The following ZNF813 variants were observed in gnomAD, a reference collection of about 807,000 sequenced individuals.
ZNF813 encodes the protein zinc finger protein 813.
In ZNF813, 3 loss-of-function variants were observed where a neutral mutation model predicts 7.2. The observed-to-expected ratio is 0.42, with a 90% CI of 0.19 to 1.08. The LOEUF (loss-of-function observed/expected upper bound fraction) is 1.08. Among genes scored for constraint, ZNF813 ranks in the 50% least tolerant of loss-of-function variants. The probability of loss-of-function intolerance (pLI) is 0.30; values close to 1 mark genes in which losing one functional copy is unlikely to be tolerated. For missense variants in ZNF813, 714 were observed against 753.3 expected, an observed-to-expected ratio of 0.95 and a Z score of 0.61; for synonymous variants, 227 against 256.3, an observed-to-expected ratio of 0.89 and a Z score of 1.09.
Position 53,494,339 on chromosome 19 carries a change from T to C in ZNF813, c.*2253T>C, listed in dbSNP as rs972840003. Reference sequence around the variant, plus strand: ...TTGAGGCACCCAGAAGGATAAGACATGAGTTTTAAAAGAGACTTTCTCTGC... The same window carrying C: ...TTGAGGCACCCAGAAGGATAAGACACGAGTTTTAAAAGAGACTTTCTCTGC... On this transcript the variant is annotated 3_prime_UTR_variant, in exon 4 of 4. Transcript: ENST00000396403. 9 of 152,162 alleles carry C rather than the reference T, an allele frequency of 5.9e-5. No individual in the cohort carries two copies. The highest frequency in any genetic ancestry group is 1.3e-4 in the Non-Finnish European group (9 of 68,032). 9.4% of individuals were successfully genotyped at this position (152,162 alleles called of 1,614,324 possible). A position where few individuals can be genotyped will look rare whatever the true frequency, so the allele number is the denominator to read the frequency against.
chr19:53,490,747 C>G lies in ZNF813; in HGVS notation c.515C>G (p.Ser172Cys). 1 of 1,614,182 alleles carries G rather than the reference C, an allele frequency of 6.2e-7. No individual in the cohort carries two copies. Among genetic ancestry groups the G allele is most frequent in the Non-Finnish European group, 8.5e-7 (1 of 1,180,030 alleles). The stretch of plus-strand genomic sequence containing the variant: ...GTGGAGAAGTCTATCAACGATGCTT[C>G]CTCAATTTCAACATCCCAAAGAATT... ...NQVEKSINDA[S>C]SISTSQRISC... Residue 172 changes from serine (S) to cysteine (C), a missense_variant, in exon 4 of 4, where the codon TCC (serine) becomes TGC (cysteine). Physicochemically the swap from Ser to Cys is moderately radical, Grantham distance 112. Coordinates refer to ENST00000396403, the MANE Select transcript of ZNF813 (RefSeq NM_001004301.4).
intron 3 of ZNF813, among the ~76,000 whole-genome samples, chr19:53,488,503 G>A (rs1228676042): frequency 5.3e-5 from 8 of 151,446 alleles, no homozygotes; most frequent in Non-Finnish European, 1.2e-4. Flanking sequence ...CTGCTTACTG[G>A]GTTCAAGTGA....
At chr19:53,483,882 G>T in intron 2 of ZNF813, 45 bp downstream of exon 2, 1 of 1,613,876 alleles carries the variant, frequency 6.2e-7, no homozygotes, top group Non-Finnish European at 8.5e-7. Context: ...CTTCCCCTCA[G>T]AAATGCTGGG....
chr19:53,476,106 G>A (rs2147155902), intron 1 of ZNF813, among the ~76,000 whole-genome samples: 1 of 152,228 alleles, frequency 6.6e-6, no homozygotes, highest in African/African-American at 2.4e-5. Flanking sequence ...GTTCCTTGTG[G>A]CTCACTATGA....
At chr19:53,473,336 G>A (rs1160256262) in intron 1 of ZNF813, among the ~76,000 whole-genome samples, 4 of 152,022 alleles carry the variant, frequency 2.6e-5, no homozygotes, top group Admixed American at 6.6e-5. Context: ...GTCAGCTTCC[G>A]GTGTGTGACT....
rs373601042 is a variant in ZNF813 at position 53,491,182 on chromosome 19, A to C, written c.950A>C (p.His317Pro). ...AFSFKSNLKR[H>P]RRIHAGEKPY... ...AGTTTCAAATCAAACCTTAAAAGAC[A>C]TAGGAGAATTCATGCTGGAGAAAAA... Residue 317 changes from histidine (H) to proline (P), a missense_variant, in exon 4 of 4, where the codon CAT (histidine) becomes CCT (proline). Coordinates refer to ENST00000396403, the MANE Select transcript of ZNF813 (RefSeq NM_001004301.4). 1 of 1,613,758 alleles carries C rather than the reference A, an allele frequency of 6.2e-7. No individual in the cohort carries two copies. Among genetic ancestry groups the C allele is most frequent in the Non-Finnish European group, 8.5e-7 (1 of 1,179,792 alleles).
In ZNF813 at chr19:53,483,796, A is replaced by G; in HGVS notation, c.-27A>G. The G allele has an allele frequency of 1.2e-6, 2 of 1,612,842 alleles. No homozygotes were observed. Among genetic ancestry groups the G allele is most frequent in the Non-Finnish European group, 1.7e-6 (2 of 1,179,740 alleles). ...GGTATGTGAGGAAGAAACCTGGAAGAGGAAGAGGAAAGCAAAGGAGTCAGG... is the reference window on the plus strand; with the variant it reads ...GGTATGTGAGGAAGAAACCTGGAAGGGGAAGAGGAAAGCAAAGGAGTCAGG... On this transcript the variant is annotated 5_prime_UTR_variant, in exon 2 of 4. Transcript: ENST00000396403.
chr19:53,478,545 A>G (rs1460455299), intron 1 of ZNF813, among the ~76,000 whole-genome samples: 2 of 152,110 alleles, frequency 1.3e-5, no homozygotes, highest in Admixed American at 1.3e-4. Context: ...TGGGAGATGG[A>G]GGTGAGTGGG....
intron 1 of ZNF813, among the ~76,000 whole-genome samples, chr19:53,468,230 C>A (rs944717392): frequency 9.2e-6 from 1 of 108,490 alleles, no homozygotes; most frequent in Non-Finnish European, 2.2e-5. Flanking sequence ...CCCCCCCCCC[C>A]CCACCTCCCT....
intron 1 of ZNF813, among the ~76,000 whole-genome samples, chr19:53,474,130 C>G (rs530189037): frequency 2.6e-4 from 39 of 152,306 alleles, no homozygotes; most frequent in Admixed American, 8.5e-4. Context: ...AGTCTTCAGT[C>G]ACTTCTCATG....
At chr19:53,487,115 T>A (rs892348055) in intron 3 of ZNF813, among the ~76,000 whole-genome samples, 1 of 151,946 alleles carries the variant, frequency 6.6e-6, no homozygotes, top group Non-Finnish European at 1.5e-5. Flanking sequence ...CCATAACTAA[T>A]TATTGGCTTT....
chr19:53,488,181 T>G (rs1402882213), intron 3 of ZNF813: 2 of 449,500 alleles, frequency 4.4e-6, no homozygotes. Flanking sequence ...TGTGCCACCA[T>G]GCCTGGCTAA....
intron 2 of ZNF813, among the ~76,000 whole-genome samples, chr19:53,485,807 A>C (rs2086431116): frequency 6.6e-6 from 1 of 152,106 alleles, no homozygotes; most frequent in Admixed American, 6.6e-5. Flanking sequence ...CCTCAGGCTC[A>C]AACCATCCTC....
chr19:53,485,643 T>C (rs189344397), intron 2 of ZNF813, among the ~76,000 whole-genome samples: 19 of 147,096 alleles, frequency 1.3e-4, no homozygotes, highest in African/African-American at 4.2e-4. Flanking sequence ...TATATACATG[T>C]ATGTCATGAC....
intron 1 of ZNF813, among the ~76,000 whole-genome samples, chr19:53,476,567 T>G (rs1274189198): frequency 6.6e-6 from 1 of 150,728 alleles, no homozygotes; most frequent in Non-Finnish European, 1.5e-5. Context: ...GGGCAGAGGT[T>G]GCAGTGAGCT....
chr19:53,482,625 C>A (rs780099929), intron 1 of ZNF813, among the ~76,000 whole-genome samples: 80 of 152,180 alleles, frequency 5.3e-4, no homozygotes, highest in Non-Finnish European at 2.2e-4. Context: ...CCTCCCACCC[C>A]CATCTGATGT....
intron 1 of ZNF813, among the ~76,000 whole-genome samples, chr19:53,477,695 C>T (rs1189043239): frequency 6.6e-6 from 1 of 152,078 alleles, no homozygotes; most frequent in African/African-American, 2.4e-5. Flanking sequence ...ATGGTGCACA[C>T]CTGTACTCCC....
intron 3 of ZNF813, among the ~76,000 whole-genome samples, chr19:53,488,969 G>A (rs1202378222): frequency 6.6e-6 from 1 of 151,930 alleles, no homozygotes; most frequent in East Asian, 1.9e-4. Flanking sequence ...AAGCTTTTCG[G>A]TATGTGGTAT....
chr19:53,491,108 T>C lies in ZNF813; in HGVS notation c.876T>C (p.Leu292=). The change falls in exon 4 of 4, where the codon CTT becomes CTC. Residue 292 remains leucine (L), a synonymous_variant. Transcript: ENST00000396403. ...ATTCCCTTACATGCCATCGTAGACT[T>C]CATACTGGAGAGAAACCTTACAAAT... ...QTYSLTCHRR[L]HTGEKPYKCE... 1 of 1,614,136 alleles carries C rather than the reference T, an allele frequency of 6.2e-7. No homozygotes were observed. Among genetic ancestry groups the C allele is most frequent in the Non-Finnish European group, 8.5e-7 (1 of 1,180,000 alleles).
Sources: allele counts gnomAD v4.1 joint callset (sites outside exome capture counted in the v4.1 genomes callset), GRCh38; gene constraint gnomAD v4.1.1; transcripts MANE v1.5; gene names NCBI Gene and HGNC (gene_info 2026-07-23, HGNC 2026-07-21).